Variants in TBC1D9B observed in about 807,000 individuals in gnomAD.
The protein encoded by TBC1D9B is TBC1 domain family, member 9B (with GRAM domain).
Under a neutral mutation model 121.1 loss-of-function variants are expected in TBC1D9B, and 87 were observed. The observed-to-expected ratio is 0.72, with a 90% CI of 0.60 to 0.86. The LOEUF is 0.86. Ranked by LOEUF, TBC1D9B falls within the 40% of genes least tolerant of loss-of-function variation. The pLI, the probability that TBC1D9B is intolerant of heterozygous loss-of-function variation, is 0.00. For synonymous variants in TBC1D9B, 668 were observed against 670.1 expected, an observed-to-expected ratio of 1.00 and a Z score of 0.05; for missense variants, 1,540 against 1,628.6, an observed-to-expected ratio of 0.95 and a Z score of 0.94.
At position 179,871,594 on chromosome 5, in the gene TBC1D9B, C is replaced by T. The variant is rs1760200209; in HGVS notation, c.2416-64G>A. ...AAGCTCCTGGCACAGAAGTACGGCACTCTGTGAGAGCATCCTCGGCAGACA... is the reference window on the plus strand; with the variant it reads ...AAGCTCCTGGCACAGAAGTACGGCATTCTGTGAGAGCATCCTCGGCAGACA... On this transcript the variant is annotated intron_variant, in intron 14 of 20. Coordinates refer to ENST00000355235, the MANE Select transcript of TBC1D9B (RefSeq NM_015043.4). 4.5e-6 allele frequency: 7 copies of T among 1,543,654 alleles called. No homozygotes were observed. In the East Asian group the frequency reaches 1.4e-4, roughly 30 times the overall value.
intron 20 of TBC1D9B, among the ~76,000 whole-genome samples, chr5:179,864,904 C>T (rs1362862188): frequency 5.9e-5 from 9 of 152,154 alleles, no homozygotes; most frequent in African/African-American, 2.2e-4. Flanking sequence ...GAATGAAGAG[C>T]GGGTGTGGAG....
chr5:179,867,804 T>C lies in TBC1D9B; in HGVS notation c.2837A>G (p.Tyr946Cys). The C allele has an allele frequency of 2.6e-6, 4 of 1,541,204 alleles. No individual in the cohort carries two copies. Among genetic ancestry groups the C allele is most frequent in the Non-Finnish European group, 3.5e-6 (4 of 1,142,688 alleles). Residue 946 changes from tyrosine to cysteine, a missense_variant, in exon 18 of 21, where the codon TAT becomes TGT. Tyr to Cys is a radical substitution (Grantham distance 194). Transcript: ENST00000355235. ...EAESALEAAH[Y>C]FTEDSSSEEA... is the part of the protein sequence containing the mutation. ...TTCTGAGGAGCTGTCCTCTGTGAAA[T>C]AATGGGCCGCCTCCAGGGCTGACTC...
Position 179,902,385 on chromosome 5 carries a change from G to A in TBC1D9B, c.229+2317C>T, listed in dbSNP as rs976046292. Reference sequence around the variant, plus strand: ...GGCAGGCAGACCCCCAGGTGTCCTCGAACACCAGGCTCAAGGGTCAGGACT... The same window carrying A: ...GGCAGGCAGACCCCCAGGTGTCCTCAAACACCAGGCTCAAGGGTCAGGACT... On this transcript the variant is annotated intron_variant, in intron 2 of 20. Coordinates refer to ENST00000355235, the MANE Select transcript of TBC1D9B (RefSeq NM_015043.4). This position sits in a 1 kb window ranked among gnomAD's most constrained non-coding sequence, Gnocchi z 4.9. Among the ~76,000 whole-genome samples, 5 of 152,160 alleles carry A rather than the reference G, an allele frequency of 3.3e-5. No individual in the cohort carries two copies. The highest frequency in any genetic ancestry group is 1.2e-4 in the African/African-American group (5 of 41,450).
chr5:179,891,389 G>A lies in TBC1D9B; in HGVS notation c.1034C>T (p.Pro345Leu), dbSNP rs766529720. 6.2e-7 allele frequency: 1 copy of A among 1,614,224 alleles called. No homozygotes were observed. Among genetic ancestry groups the A allele is most frequent in the Non-Finnish European group, 8.5e-7 (1 of 1,180,026 alleles). ...KEEDACHLIIPLREVTIVEKA... is the reference protein window; with the variant it reads ...KEEDACHLIILLREVTIVEKA... ...CTAGGGGATGCTGACCTCCCTCAGG[G>A]GTATGATGAGGTGGCAAGCGTCCTC... Residue 345 changes from proline (P) to leucine (L), a missense_variant, in exon 6 of 21, where the codon CCC becomes CTC. Coordinates refer to ENST00000355235, the MANE Select transcript of TBC1D9B (RefSeq NM_015043.4). This position sits in a 1 kb window ranked among gnomAD's most constrained non-coding sequence, Gnocchi z 4.3.
At chr5:179,884,486 A>G (rs1279276423) in intron 7 of TBC1D9B, 2 of 152,344 alleles carry the variant, frequency 1.3e-5, no homozygotes, top group African/African-American at 4.8e-5. Flanking sequence ...TATTAAAAAT[A>G]GAACTGCTAT....
At position 179,881,946 on chromosome 5, in the gene TBC1D9B, G is replaced by GTTT. The variant is rs796278508; in HGVS notation, c.1255-2160_1255-2158dup. Among the ~76,000 whole-genome samples, 15 of 128,274 alleles carry GTTT rather than the reference G, an allele frequency of 1.2e-4. 1 individual carries two copies. The highest frequency in any genetic ancestry group is 3.7e-4 in the African/African-American group (11 of 29,964). The allele number at this position is 128,274 out of a possible 152,430, so 84.2% of individuals were successfully genotyped here. ...TTCCATATCTTTCCATATACCTTCC[G>GTTT]TTTTTTTTTTTTTTTTGAGATGGAG... is the stretch of plus-strand genomic sequence containing the variant. On this transcript the variant is annotated intron_variant, in intron 7 of 20. Transcript: ENST00000355235.
rs754810623 is a variant in TBC1D9B at position 179,863,591 on chromosome 5, G to A, written c.3559C>T (p.Leu1187=). 6.2e-7 allele frequency: 1 copy of A among 1,614,192 alleles called. No homozygotes were observed. The highest frequency in any genetic ancestry group is 2.2e-5 in the East Asian group (1 of 44,878). The change falls in exon 21 of 21, where the codon CTG becomes TTG. Residue 1187 remains leucine (L), a synonymous_variant. Transcript: ENST00000355235. The surrounding 1 kb of genome is among the most constrained non-coding windows in gnomAD (Gnocchi z 4.5). The part of the protein sequence containing the change: ...TDWCISFEQI[L]ASILTESVLV... ...ACGGACTCCGTCAGGATGGAGGCCA[G>A]GATCTGCTCAAAGGAGATGCACCAG...
chr5:179,890,361 G>C lies in TBC1D9B; in HGVS notation c.1044+1018C>G, dbSNP rs986526034. Among the ~76,000 whole-genome samples the C allele has an allele frequency of 6.6e-6, 1 of 152,210 alleles. No individual in the cohort carries two copies. Among genetic ancestry groups the C allele is most frequent in the African/African-American group, 2.4e-5 (1 of 41,456 alleles). On this transcript the variant is annotated intron_variant, in intron 6 of 20. Transcript: ENST00000355235. The surrounding 1 kb of genome is among the most constrained non-coding windows in gnomAD (Gnocchi z 5.0). ...ATCTGAGATGTCAAGGGCCCGGCAG[G>C]AGAAATCCAAACGGAGCCTCAGGTG...
At chr5:179,905,589 C>T (rs1184731643) in intron 1 of TBC1D9B, among the ~76,000 whole-genome samples, 5 of 152,188 alleles carry the variant, frequency 3.3e-5, no homozygotes, top group East Asian at 1.9e-4. Context: ...ACACATTAAG[C>T]AGTCTGTGGC....
chr5:179,888,546 A>G (rs1322900646), intron 6 of TBC1D9B, among the ~76,000 whole-genome samples: 1 of 152,140 alleles, frequency 6.6e-6, no homozygotes, highest in Non-Finnish European at 1.5e-5. Flanking sequence ...CCGGCTGTGC[A>G]GGGTGGTTCT....
Position 179,863,567 on chromosome 5 carries a change from C to T in TBC1D9B, c.3583G>A (p.Val1195Met), listed in dbSNP as rs765595335. Residue 1195 changes from valine (V) to methionine (M), a missense_variant, in exon 21 of 21, where the codon GTG becomes ATG. Val to Met is a conservative substitution (Grantham distance 21). Transcript: ENST00000355235. This position sits in a 1 kb window ranked among gnomAD's most constrained non-coding sequence, Gnocchi z 4.5. ...CTCTTCTCAAAGAAGTTCACCAGCACGGACTCCGTCAGGATGGAGGCCAGG... is the reference window on the plus strand; with the variant it reads ...CTCTTCTCAAAGAAGTTCACCAGCATGGACTCCGTCAGGATGGAGGCCAGG... ...QILASILTES[V>M]LVNFFEKRVD... The T allele has an allele frequency of 1.4e-5, 23 of 1,614,072 alleles. No individual in the cohort carries two copies. Among genetic ancestry groups the T allele is most frequent in the Middle Eastern group, 1.6e-4 (1 of 6,084 alleles).
chr5:179,879,746 G>A lies in TBC1D9B; in HGVS notation c.1298C>T (p.Pro433Leu), dbSNP rs969016460. Residue 433 changes from proline (P) to leucine (L), a missense_variant, in exon 8 of 21, where the codon CCA (proline) becomes CTA (leucine). By Grantham distance (98) the Pro-to-Leu change is moderately conservative (BLOSUM62 -3). Coordinates refer to ENST00000355235, the MANE Select transcript of TBC1D9B (RefSeq NM_015043.4). The part of the protein sequence containing the change: ...PQEGSEQPAS[P>L]ASPLSSRQSF... ...CTGGCGGCTGCTGAGGGGAGAGGCT[G>A]GGCTGGCGGGCTGCTCCGACCCCTC... The A allele has an allele frequency of 1.9e-6, 3 of 1,613,948 alleles. No individual in the cohort carries two copies. The highest frequency in any genetic ancestry group is 1.7e-6 in the Non-Finnish European group (2 of 1,179,962).
intron 18 of TBC1D9B, chr5:179,867,260 GCCCA>G (rs1561632403): frequency 1.6e-6 from 1 of 631,468 alleles, no homozygotes; most frequent in African/African-American, 1.8e-5. Flanking sequence ...CTTATTTACC[GCCCA>G]CCTACAGCAG....
intron 1 of TBC1D9B, among the ~76,000 whole-genome samples, chr5:179,906,766 C>T (rs1035191188): frequency 6.6e-5 from 10 of 152,270 alleles, no homozygotes; most frequent in Admixed American, 5.2e-4. Flanking sequence ...CCGTCTGCAT[C>T]TGGCTATTAG....
chr5:179,893,517 G>T, intron 4 of TBC1D9B, 50 bp from the exon 5 acceptor site: 1 of 1,549,688 alleles, frequency 6.5e-7, no homozygotes, highest in Non-Finnish European at 8.7e-7. Flanking sequence ...GGCAGGGCGA[G>T]GCTCCTGATG....
rs1452131552 is a variant in TBC1D9B, at chr5:179,891,627, G to T, written c.837-41C>A. The stretch of plus-strand genomic sequence containing the variant: ...AGGAGGACAGGAGGAAAGGGGACAA[G>T]GTCAGGACCAGCACACTCTCAAGGA... On this transcript the variant is annotated intron_variant, in intron 5 of 20. Coordinates refer to ENST00000355235, the MANE Select transcript of TBC1D9B (RefSeq NM_015043.4). This position sits in a 1 kb window ranked among gnomAD's most constrained non-coding sequence, Gnocchi z 4.3. 3.7e-6 allele frequency: 6 copies of T among 1,601,640 alleles called. No individual in the cohort carries two copies. Among genetic ancestry groups the T allele is most frequent in the Non-Finnish European group, 5.1e-6 (6 of 1,174,856 alleles).
rs1421291887 is a variant in TBC1D9B, at chr5:179,879,668, A to C, written c.1376T>G (p.Phe459Cys). 6.2e-7 allele frequency: 1 copy of C among 1,614,116 alleles called. No homozygotes were observed. The stretch of plus-strand genomic sequence containing the variant: ...GTCCTCCATGGGCGAGTTTTTCTGG[A>C]AGAGCTTCAGCAGGCCCTGGGATGC... Reference protein sequence around the residue: ...PTASQGLLKLFQKNSPMEDLG... With the variant: ...PTASQGLLKLCQKNSPMEDLG... The change falls in exon 8 of 21, where the codon TTC (phenylalanine) becomes TGC (cysteine). Residue 459 changes from phenylalanine (F) to cysteine (C), a missense_variant. By Grantham distance (205) the Phe-to-Cys change is radical. Transcript: ENST00000355235.
At position 179,864,184 on chromosome 5, in the gene TBC1D9B, G is replaced by T. The variant is rs533624621; in HGVS notation, c.3022-56C>A. On this transcript the variant is annotated intron_variant, in intron 20 of 20. Coordinates refer to ENST00000355235, the MANE Select transcript of TBC1D9B (RefSeq NM_015043.4). ...GATGGTAAAAGACCAGTCAGACGGG[G>T]TCCATATTAGCCAAACTGATGACAA... The T allele has an allele frequency of 7.0e-5, 104 of 1,491,812 alleles. No individual in the cohort carries two copies. The African/African-American group carries it at 1.3e-3, about 19-fold the overall frequency. The allele number at this position is 1,491,812 out of a possible 1,614,324, so 92.4% of individuals were successfully genotyped here.
chr5:179,894,117 A>C (rs963359650), intron 4 of TBC1D9B, among the ~76,000 whole-genome samples: 1 of 152,152 alleles, frequency 6.6e-6, no homozygotes, highest in African/African-American at 2.4e-5. Flanking sequence ...CGTGTGCCTG[A>C]ATACGCCAGT....
Sources: allele counts gnomAD v4.1 joint callset (sites outside exome capture counted in the v4.1 genomes callset), GRCh38; gene constraint gnomAD v4.1.1; non-coding constraint Gnocchi (gnomAD v3.1); transcripts MANE v1.5; gene names NCBI Gene and HGNC (gene_info 2026-07-23, HGNC 2026-07-21).